RB1: variants seen among roughly 807,000 people sequenced by gnomAD.
The protein encoded by RB1 is RB transcriptional corepressor 1.
Under a neutral mutation model 135.4 loss-of-function variants are expected in RB1, and 18 were observed. That is an observed-to-expected ratio of 0.13 (90% CI 0.09 to 0.20). The LOEUF (loss-of-function observed/expected upper bound fraction) is 0.20, where lower values mean the gene tolerates loss of function less well. Ranked by LOEUF, RB1 falls within the 10% of genes least tolerant of loss-of-function variation. The pLI, the probability that RB1 is intolerant of heterozygous loss-of-function variation, is 1.00. For missense variants in RB1, 868 were observed against 1,110.0 expected (o/e 0.78, Z 3.10); for synonymous variants, 365 against 373.2 (o/e 0.98, Z 0.25).
At chr13:48,429,423 C>T (rs553840720) in intron 17 of RB1, 1 of 152,340 alleles carries the variant, frequency 6.6e-6, no homozygotes, top group East Asian at 1.9e-4. Flanking sequence ...GAGCAGGGGA[C>T]TACCAGGTTG....
chr13:48,452,847 A>G, intron 17 of RB1, 146 bp from the exon 18 acceptor site: 2 of 1,242,522 alleles, frequency 1.6e-6, no homozygotes, highest in Admixed American at 5.1e-5. Context: ...AAGTAGAGAA[A>G]AATATTTCAT....
chr13:48,392,254 G>A lies in RB1; in HGVS notation c.1695+10811G>A, dbSNP rs184848065. 2.6e-3 allele frequency among the ~76,000 whole-genome samples: 400 copies of A among 152,128 alleles called. 3 individuals carry two copies. Among genetic ancestry groups the A allele is most frequent in the Non-Finnish European group, 4.4e-3 (301 of 67,998 alleles). ...GCCTCCTGAGTGACTGGGACTAAAG[G>A]CACATGCCACCATGCCCGGCTAATT... On this transcript the variant is annotated intron_variant, in intron 17 of 26. Transcript: ENST00000267163.
chr13:48,359,156 A>G (rs1952616958), intron 6 of RB1, among the ~76,000 whole-genome samples: 1 of 152,052 alleles, frequency 6.6e-6, no homozygotes, highest in Non-Finnish European at 1.5e-5. Context: ...AATTTGTAAT[A>G]GCTGTGTTTT....
intron 17 of RB1, chr13:48,411,394 C>T (rs773345882): frequency 6.2e-7 from 1 of 1,609,970 alleles, no homozygotes; most frequent in South Asian, 1.1e-5. Flanking sequence ...TTATTTCAGG[C>T]AGCAGATTCA....
chr13:48,440,792 A>C (rs1477685380), intron 17 of RB1, among the ~76,000 whole-genome samples: 6 of 152,336 alleles, frequency 3.9e-5, no homozygotes, highest in East Asian at 1.9e-4. Context: ...ATGTATTCAT[A>C]ATAAATAGAA....
intron 17 of RB1, among the ~76,000 whole-genome samples, chr13:48,394,563 A>G (rs1194731606): frequency 1.3e-5 from 2 of 152,142 alleles, no homozygotes; most frequent in African/African-American, 4.8e-5. Flanking sequence ...AGAGCTAGGT[A>G]GGGGGAGGGG....
At position 48,430,671 on chromosome 13, in the gene RB1, C is replaced by T. The variant is rs1386682366; in HGVS notation, c.1696-22322C>T. On this transcript the variant is annotated intron_variant, in intron 17 of 26. Transcript: ENST00000267163. ...AGGAGAATGGCTTGAACCCAGGGGGCGGAGGTTGCAGTGAGCCGAGATTGT... is the reference window on the plus strand; with the variant it reads ...AGGAGAATGGCTTGAACCCAGGGGGTGGAGGTTGCAGTGAGCCGAGATTGT... Among the ~76,000 whole-genome samples, 16 of 152,138 alleles carry T rather than the reference C, an allele frequency of 1.1e-4. No homozygotes were observed. The East Asian group carries it at 1.2e-3, about 11-fold the overall frequency.
At chr13:48,367,090 G>A (rs553574335) in intron 9 of RB1, among the ~76,000 whole-genome samples, 2 of 128,438 alleles carry the variant, frequency 1.6e-5, no homozygotes, top group South Asian at 4.9e-4. Flanking sequence ...CTGCACTCCA[G>A]CCTGGGCGAA....
rs1358369644 is a variant in RB1 at position 48,459,816 on chromosome 13, G to C, written c.2089G>C (p.Asp697His). 1.9e-6 allele frequency: 3 copies of C among 1,613,828 alleles called. No individual in the cohort carries two copies. In the South Asian group the frequency reaches 3.3e-5, roughly 18 times the overall value. ...GCAGAATGAGTATGAACTCATGAGA[G>C]ACAGGCATTTGGACCAAGTAAGAAA... Reference protein sequence around the residue: ...TLQNEYELMRDRHLDQIMMCS... With the variant: ...TLQNEYELMRHRHLDQIMMCS... The change falls in exon 20 of 27, where the codon GAC becomes CAC. Residue 697 changes from aspartate (D) to histidine (H), a missense_variant. Asp to His is a moderately conservative substitution (Grantham distance 81). Coordinates refer to ENST00000267163, the MANE Select transcript of RB1 (RefSeq NM_000321.3).
chr13:48,365,020 A>G (rs1952681213), intron 9 of RB1, 49 bp downstream of exon 9: 1 of 1,521,080 alleles, frequency 6.6e-7, no homozygotes, highest in Non-Finnish European at 8.8e-7. Context: ...GAGACTGTGG[A>G]GGGAGGATAA....
intron 2 of RB1, among the ~76,000 whole-genome samples, chr13:48,321,169 C>T (rs945444604): frequency 3.9e-5 from 6 of 152,186 alleles, no homozygotes; most frequent in Admixed American, 3.3e-4. Flanking sequence ...GTCCCGCATC[C>T]GGGGGGAGGC....
chr13:48,440,887 A>G (rs997834440), intron 17 of RB1, among the ~76,000 whole-genome samples: 13 of 152,210 alleles, frequency 8.5e-5, no homozygotes, highest in African/African-American at 3.1e-4. Context: ...TCTCATCTGT[A>G]TTGCTAAGAA....
At chr13:48,409,044 C>A (rs761195544) in intron 17 of RB1, among the ~76,000 whole-genome samples, 4 of 151,750 alleles carry the variant, frequency 2.6e-5, no homozygotes, top group Non-Finnish European at 5.9e-5. Context: ...AAAGGAATTT[C>A]AGGTCAATGG....
intron 17 of RB1, among the ~76,000 whole-genome samples, chr13:48,420,319 AT>A (rs1948986322): frequency 6.6e-6 from 1 of 152,172 alleles, no homozygotes; most frequent in Non-Finnish European, 1.5e-5. Context: ...AGAAAAGGCC[AT>A]TGATGAAATT....
intron 17 of RB1, among the ~76,000 whole-genome samples, chr13:48,400,797 CAATT>C (rs1326544593): frequency 6.6e-6 from 1 of 152,036 alleles, no homozygotes; most frequent in African/African-American, 2.4e-5. Flanking sequence ...AGAAACATAA[CAATT>C]AATTGTTAGT....
intron 2 of RB1, among the ~76,000 whole-genome samples, chr13:48,311,085 T>G (rs1162308830): frequency 1.3e-5 from 2 of 152,174 alleles, no homozygotes; most frequent in East Asian, 3.8e-4. Context: ...GGCAGGAAAC[T>G]TTGGTTGTAA....
chr13:48,388,658 C>G (rs375103716), intron 17 of RB1, among the ~76,000 whole-genome samples: 11 of 152,190 alleles, frequency 7.2e-5, no homozygotes, highest in African/African-American at 2.6e-4. Context: ...AGCTATTAAT[C>G]CTTATGCTTT....
intron 2 of RB1, chr13:48,317,867 A>C (rs1566178506): frequency 2.3e-5 from 9 of 397,118 alleles, no homozygotes; most frequent in African/African-American, 1.0e-4. Flanking sequence ...CTGCACAGCA[A>C]CTCTGGCCTG....
chr13:48,318,549 A>G (rs893453573), intron 2 of RB1: 2 of 750,738 alleles, frequency 2.7e-6, no homozygotes, highest in Non-Finnish European at 2.2e-6. Flanking sequence ...CCCTCCCGGG[A>G]CCTCGCTGGC....
Sources: gnomAD v4.1 joint callset for allele counts (sites outside exome capture counted in the v4.1 genomes callset) on GRCh38, gnomAD v4.1.1 for gene constraint, MANE v1.5 for transcripts, NCBI Gene and HGNC (gene_info 2026-07-23, HGNC 2026-07-21) for gene names.